The following GRM7 variants were observed in gnomAD, a reference collection of about 807,000 sequenced individuals.
GRM7 encodes metabotropic glutamate receptor 7.
In GRM7, 35 loss-of-function variants were observed where a neutral mutation model predicts 84.5. That is an observed-to-expected ratio of 0.41 (90% CI 0.32 to 0.55). GRM7 has a LOEUF of 0.55. Among genes scored for constraint, GRM7 ranks in the 20% least tolerant of loss-of-function variants. The probability of loss-of-function intolerance (pLI) is 0.19; values close to 1 mark genes in which losing one functional copy is unlikely to be tolerated. For synonymous variants in GRM7, 487 were observed against 455.1 expected, an observed-to-expected ratio of 1.07 and a Z score of -0.89; for missense variants, 1,003 against 1,194.6, an observed-to-expected ratio of 0.84 and a Z score of 2.36.
At chr3:7,326,201 T>C (rs1700980475) in intron 4 of GRM7, among the ~76,000 whole-genome samples, 1 of 152,016 alleles carries the variant, frequency 6.6e-6, no homozygotes, top group Admixed American at 6.6e-5. Context: ...CACATTATTT[T>C]GAGAGAAAAA....
intron 1 of GRM7, among the ~76,000 whole-genome samples, chr3:7,017,631 A>G (rs1220809426): frequency 2.6e-5 from 4 of 152,142 alleles, no homozygotes; most frequent in Non-Finnish European, 2.9e-5. Context: ...CCTGCTGTAC[A>G]TTATTATCAC....
At chr3:7,427,361 T>C (rs1696653834) in intron 5 of GRM7, among the ~76,000 whole-genome samples, 1 of 152,204 alleles carries the variant, frequency 6.6e-6, no homozygotes, top group Non-Finnish European at 1.5e-5. Context: ...GCTCTTATGT[T>C]ATGAAGAATT....
intron 4 of GRM7, among the ~76,000 whole-genome samples, chr3:7,315,407 C>T (rs1332622636): frequency 6.6e-6 from 1 of 152,188 alleles, no homozygotes; most frequent in Non-Finnish European, 1.5e-5. Flanking sequence ...AGGCTTAATG[C>T]TGTATATTGC....
chr3:7,218,185 A>G (rs1170747052), intron 2 of GRM7, among the ~76,000 whole-genome samples: 1 of 152,262 alleles, frequency 6.6e-6, no homozygotes, highest in East Asian at 1.9e-4. Flanking sequence ...ATTAAAAACT[A>G]TGCATGTGTA....
chr3:6,972,506 C>G (rs372415411), intron 1 of GRM7, among the ~76,000 whole-genome samples: 2 of 152,304 alleles, frequency 1.3e-5, no homozygotes, highest in East Asian at 1.9e-4. Flanking sequence ...AGGGCCATCT[C>G]CAGCGTGCCT....
At position 7,158,396 on chromosome 3, in the gene GRM7, T is replaced by C. The variant is rs139473751; in HGVS notation, c.736+11728T>C. 2.2e-3 allele frequency among the ~76,000 whole-genome samples: 333 copies of C among 152,230 alleles called. 2 individuals carry two copies. Among genetic ancestry groups the C allele is most frequent in the Non-Finnish European group, 3.3e-3 (224 of 68,000 alleles). The stretch of plus-strand genomic sequence containing the variant: ...ACTTTGCATCTCTATAGGCTTTTAC[T>C]CAAGCGGTGTCCTCTGCTTAGAACA... On this transcript the variant is annotated intron_variant, in intron 2 of 9. Transcript: ENST00000357716.
intron 7 of GRM7, among the ~76,000 whole-genome samples, chr3:7,548,211 G>A (rs1392090390): frequency 1.3e-5 from 2 of 152,202 alleles, no homozygotes; most frequent in Non-Finnish European, 2.9e-5. Flanking sequence ...CCATCCTCTA[G>A]GTAATGAGTG....
intron 5 of GRM7, among the ~76,000 whole-genome samples, chr3:7,439,706 C>T (rs1559323063): frequency 6.6e-6 from 1 of 152,188 alleles, no homozygotes; most frequent in Admixed American, 6.5e-5. Flanking sequence ...GACACTGATA[C>T]ATGGGGCTAT....
At chr3:7,382,675 A>C (rs1559282788) in intron 4 of GRM7, among the ~76,000 whole-genome samples, 1 of 152,236 alleles carries the variant, frequency 6.6e-6, no homozygotes, top group Non-Finnish European at 1.5e-5. Context: ...AAGGATTGAA[A>C]GGAAAAAAAT....
intron 2 of GRM7, among the ~76,000 whole-genome samples, chr3:7,261,657 G>A (rs887060298): frequency 6.6e-6 from 1 of 152,182 alleles, no homozygotes; most frequent in African/African-American, 2.4e-5. Context: ...TTAGTATACA[G>A]ACTTGTTTGT....
chr3:7,360,491 T>C (rs1268952905), intron 4 of GRM7, among the ~76,000 whole-genome samples: 1 of 152,092 alleles, frequency 6.6e-6, no homozygotes, highest in African/African-American at 2.4e-5. Flanking sequence ...ATCCCCAAGG[T>C]TCTATAAAAC....
intron 1 of GRM7, among the ~76,000 whole-genome samples, chr3:6,954,633 T>G (rs1271438795): frequency 6.6e-6 from 1 of 152,202 alleles, no homozygotes; most frequent in Non-Finnish European, 1.5e-5. Context: ...TTACTAGCCC[T>G]GTGAGCTCCA....
intron 2 of GRM7, among the ~76,000 whole-genome samples, chr3:7,167,811 T>A (rs1694848758): frequency 2.6e-5 from 4 of 151,326 alleles, no homozygotes. Flanking sequence ...CAACTAAATA[T>A]ACAAAAGATT....
chr3:7,252,839 C>T (rs1226105027), intron 2 of GRM7, among the ~76,000 whole-genome samples: 1 of 151,154 alleles, frequency 6.6e-6, no homozygotes, highest in Non-Finnish European at 1.5e-5. Context: ...TAGGCGCCCG[C>T]CACCACACCC....
intron 4 of GRM7, among the ~76,000 whole-genome samples, chr3:7,340,042 T>C (rs923910251): frequency 1.2e-4 from 18 of 152,184 alleles, no homozygotes; most frequent in Non-Finnish European, 5.9e-5. Flanking sequence ...ATTATATTTC[T>C]TCTAACACTC....
intron 1 of GRM7, among the ~76,000 whole-genome samples, chr3:6,923,888 GTTC>G (rs1697212786): frequency 6.6e-6 from 1 of 152,118 alleles, no homozygotes; most frequent in Non-Finnish European, 1.5e-5. Context: ...TTCTCTTTCT[GTTC>G]ACAGACATGT....
At chr3:7,410,533 A>G (rs1053471679) in intron 4 of GRM7, among the ~76,000 whole-genome samples, 4 of 151,776 alleles carry the variant, frequency 2.6e-5, no homozygotes, top group Non-Finnish European at 4.4e-5. Context: ...TGTTTGAGCC[A>G]CTGCACTCCA....
At chr3:7,060,014 T>C (rs1697378270) in intron 1 of GRM7, among the ~76,000 whole-genome samples, 2 of 151,816 alleles carry the variant, frequency 1.3e-5, no homozygotes, top group South Asian at 4.1e-4. Context: ...CCAGGCGAAG[T>C]CCAAAGGCTA....
chr3:7,559,498 G>A (rs1047394200), intron 7 of GRM7, among the ~76,000 whole-genome samples: 7 of 151,912 alleles, frequency 4.6e-5, no homozygotes, highest in Non-Finnish European at 4.4e-5. Context: ...ACCAATGCCC[G>A]GGCACCATCA....
Sources: allele counts gnomAD v4.1 joint callset (sites outside exome capture counted in the v4.1 genomes callset), GRCh38; gene constraint gnomAD v4.1.1; transcripts MANE v1.5; gene names NCBI Gene and HGNC (gene_info 2026-07-23, HGNC 2026-07-21).